Variants in CDK11A observed in about 807,000 individuals in gnomAD.
The protein encoded by CDK11A is cyclin-dependent kinase 11A.
In CDK11A, 55 loss-of-function variants were observed where a neutral mutation model predicts 83.6. The ratio of observed to expected loss-of-function variants is 0.66; its 90% confidence interval spans 0.53 to 0.82. The LOEUF (loss-of-function observed/expected upper bound fraction) is 0.82, where lower values mean the gene tolerates loss of function less well. CDK11A is among the 40% of genes least tolerant of loss of function. The probability of loss-of-function intolerance (pLI) is 0.00; values close to 1 mark genes in which losing one functional copy is unlikely to be tolerated. For synonymous variants in CDK11A, 247 were observed against 302.7 expected (o/e 0.82, Z 1.91); for missense variants, 564 against 810.1 (o/e 0.70, Z 3.69).
chr1:1,716,491 A>G lies in CDK11A; in HGVS notation c.356-13T>C. ...CTAGCATGCTTCCCTAATGAGAAAT[A>G]AAGTGTCATGCAAAGAAACCTCACT... On this transcript the variant is annotated splice_polypyrimidine_tract_variant and intron_variant, in intron 4 of 19. Coordinates refer to ENST00000404249, the MANE Select transcript of CDK11A (RefSeq NM_024011.4). 6.2e-7 allele frequency: 1 copy of G among 1,605,536 alleles called. No individual in the cohort carries two copies.
rs898187479 is a variant in CDK11A at position 1,719,339 on chromosome 1, G to C, written c.344C>G (p.Ser115Ter). ...AAATGCTTCTGTACCCCCTTCTGCT[G>C]AATGGCTATGATGCCTACATTTTTC... ...RKEKCRHHSH[S>*]AEGGKHARVK... Residue 115 changes from serine to a stop codon, truncating the protein, a stop_gained, in exon 4 of 20, where the codon TCA becomes TGA. Coordinates refer to ENST00000404249, the MANE Select transcript of CDK11A (RefSeq NM_024011.4). LOFTEE classifies it high-confidence loss of function. The C allele has an allele frequency of 4.6e-6, 7 of 1,525,158 alleles. No individual in the cohort carries two copies. In the African/African-American group the frequency reaches 1.0e-4, roughly 22 times the overall value. The allele number at this position is 1,525,158 out of a possible 1,614,324, so 94.5% of individuals were successfully genotyped here.
At chr1:1,716,584 C>T (rs760663330) in intron 4 of CDK11A, 106 bp from the exon 5 acceptor site, 12 of 1,206,194 alleles carry the variant, frequency 9.9e-6, no homozygotes, top group Admixed American at 4.2e-5. Flanking sequence ...GAGGCCGAGG[C>T]GGGTGGATCA....
At chr1:1,705,852 G>A (rs528839584) in intron 11 of CDK11A, 120 bp from the exon 12 acceptor site, 1 of 413,974 alleles carries the variant, frequency 2.4e-6, no homozygotes, top group Non-Finnish European at 4.2e-6. Context: ...CTTGGGACTG[G>A]GCCGGGGGTG....
Position 1,704,013 on chromosome 1 carries a change from G to T in CDK11A, c.1794+26C>A, listed in dbSNP as rs767343710. ...GTGGGAGGCTGCATGGGGGACAGGG[G>T]AGGCACTCAGACGCCCAGGACTCAC... On this transcript the variant is annotated intron_variant, in intron 16 of 19. Transcript: ENST00000404249. 1.1e-5 allele frequency: 18 copies of T among 1,601,424 alleles called. 1 individual carries two copies. Among genetic ancestry groups the T allele is most frequent in the South Asian group, 6.7e-5 (6 of 89,750 alleles).
Position 1,721,269 on chromosome 1 carries a change from G to A in CDK11A, c.227+327C>T, listed in dbSNP as rs552819568. Among the ~76,000 whole-genome samples, 42 of 150,552 alleles carry A rather than the reference G, an allele frequency of 2.8e-4. 3 individuals are homozygous for A. The highest frequency in any genetic ancestry group is 5.0e-4 in the Non-Finnish European group (34 of 67,546). ...ACACTGTCACAGTAACCCTAGGAAA[G>A]AGTAAACCTTAATAGTTACAATAGC... On this transcript the variant is annotated intron_variant, in intron 3 of 19. Coordinates refer to ENST00000404249, the MANE Select transcript of CDK11A (RefSeq NM_024011.4).
Position 1,721,747 on chromosome 1 carries a change from T to C in CDK11A, c.112-36A>G, listed in dbSNP as rs1191277162. On this transcript the variant is annotated intron_variant, in intron 2 of 19. Transcript: ENST00000404249. ...AAGAGAAAGTTAATCATTTTCTTTA[T>C]AAGTTTTTTTTTCTTCATAGATAAA... is the stretch of plus-strand genomic sequence containing the variant. The C allele has an allele frequency of 4.0e-6, 6 of 1,500,552 alleles. No homozygotes were observed. The Admixed American group carries it at 8.0e-5, about 20-fold the overall frequency. 93.0% of individuals were successfully genotyped at this position (1,500,552 alleles called of 1,614,324 possible).
chr1:1,723,220 AAAGT>A (rs1446154791), intron 1 of CDK11A, among the ~76,000 whole-genome samples: 1 of 67,926 alleles, frequency 1.5e-5, no homozygotes, highest in Non-Finnish European at 3.2e-5. Flanking sequence ...CCTAGATAAC[AAAGT>A]AAGACTTGGT....
chr1:1,720,811 C>A (rs1266376998), intron 3 of CDK11A, among the ~76,000 whole-genome samples: 2 of 151,226 alleles, frequency 1.3e-5, no homozygotes, highest in Non-Finnish European at 3.0e-5. Context: ...CCTGCCTCAG[C>A]CTCCTGAGTA....
chr1:1,720,229 G>A (rs1373795865), intron 3 of CDK11A, among the ~76,000 whole-genome samples: 1 of 149,912 alleles, frequency 6.7e-6, no homozygotes, highest in Non-Finnish European at 1.5e-5. Context: ...CAAGTAACTG[G>A]GACTACAGGC....
rs367795282 is a variant in CDK11A, at chr1:1,707,428, T to A, written c.1226A>T (p.Lys409Met). The change falls in exon 11 of 20, where the codon AAG (lysine) becomes ATG (methionine). Residue 409 changes from lysine to methionine, a missense_variant. Coordinates refer to ENST00000404249, the MANE Select transcript of CDK11A (RefSeq NM_024011.4). The stretch of plus-strand genomic sequence containing the variant: ...CCTGACCTGCAGGGCCGGCAGGTAC[T>A]TGGGCAGCTCCTGCTTGAGCTCGAT... ...LPIELKQELP[K>M]YLPALQGCRS... 8.7e-6 allele frequency: 14 copies of A among 1,608,026 alleles called. No homozygotes were observed. Among genetic ancestry groups the A allele is most frequent in the Non-Finnish European group, 1.1e-5 (13 of 1,176,122 alleles).
rs1243855421 is a variant in CDK11A at position 1,706,441 on chromosome 1, C to T, written c.1246-709G>A. Among the ~76,000 whole-genome samples the T allele has an allele frequency of 1.3e-5, 2 of 151,376 alleles. 1 individual carries two copies. Among genetic ancestry groups the T allele is most frequent in the Admixed American group, 1.3e-4 (2 of 15,152 alleles). On this transcript the variant is annotated intron_variant, in intron 11 of 19. Coordinates refer to ENST00000404249, the MANE Select transcript of CDK11A (RefSeq NM_024011.4). ...GCTTGCGCCTGTAGTTCCAGCTACT[C>T]AGGAGGCTGAGATGGGAGGATTGTT...
chr1:1,718,761 A>C (rs1969650), intron 4 of CDK11A, among the ~76,000 whole-genome samples: 120,713 of 149,824 alleles, frequency 0.81, 51,110 homozygotes, highest in Non-Finnish European at 0.93. Flanking sequence ...CTCAGCCTCC[A>C]GAGCAGCTGG....
In CDK11A at chr1:1,706,040, C is replaced by T. The variant is rs1275413551; in HGVS notation, c.1246-308G>A. ...GGAGGATTGCTTGAGCCCAGGAGTT[C>T]AAGACCAGCCTGGCCAACATAGCAA... On this transcript the variant is annotated intron_variant, in intron 11 of 19. Transcript: ENST00000404249. Among the ~76,000 whole-genome samples, 4 of 150,316 alleles carry T rather than the reference C, an allele frequency of 2.7e-5. No individual in the cohort carries two copies. The South Asian group carries it at 8.4e-4, about 32-fold the overall frequency.
intron 4 of CDK11A, among the ~76,000 whole-genome samples, chr1:1,716,934 T>TGAAGAGACAGGGTCTCACTA (rs1557795366): frequency 6.8e-6 from 1 of 147,132 alleles, no homozygotes; most frequent in East Asian, 2.0e-4. Context: ...TTTTTTTTTT[T>TGAAGAGACAGGGTCTCACTA]TTGAAGAGAC....
Position 1,709,120 on chromosome 1 carries a change from TTTCTC to T in CDK11A, c.757_761del (p.Glu253AsnfsTer35), listed in dbSNP as rs1462180029. Reference sequence around the variant, plus strand: ...CGGACAGCAGGTCCCTTTCTTCCATTTTCTCTTCTTTTACTTATGAGATAAACCAT... The same window carrying T: ...CGGACAGCAGGTCCCTTTCTTCCATTTTCTTTTACTTATGAGATAAACCAT... On this transcript the variant is annotated frameshift_variant, in exon 8 of 20. Transcript: ENST00000404249. LOFTEE classifies it high-confidence loss of function. The T allele has an allele frequency of 1.7e-6, 1 of 577,996 alleles. No individual in the cohort carries two copies. The highest frequency in any genetic ancestry group is 3.5e-5 in the Admixed American group (1 of 28,694). 35.8% of individuals were successfully genotyped at this position (577,996 alleles called of 1,614,324 possible).
chr1:1,720,523 G>A (rs4648776), intron 3 of CDK11A, among the ~76,000 whole-genome samples: 121,277 of 149,912 alleles, frequency 0.81, 51,366 homozygotes, highest in Non-Finnish European at 0.93. Flanking sequence ...CTCAGCCTCC[G>A]GAGTAGCTGG....
At chr1:1,721,840 G>A in intron 2 of CDK11A, 129 bp from the exon 3 acceptor site, 1 of 1,295,994 alleles carries the variant, frequency 7.7e-7, no homozygotes, top group African/African-American at 1.5e-5. Context: ...CTCTGAATGA[G>A]CCAGTGTTAT....
chr1:1,704,846 C>CG (rs1306600526), intron 13 of CDK11A, 58 bp downstream of exon 13: 1 of 1,606,964 alleles, frequency 6.2e-7, no homozygotes. Flanking sequence ...CAGGACAGCA[C>CG]GGGGCCCTGT....
In CDK11A at chr1:1,720,524, G is replaced by C. The variant is rs1339855323; in HGVS notation, c.228-1069C>G. Among the ~76,000 whole-genome samples, 3 of 150,942 alleles carry C rather than the reference G, an allele frequency of 2.0e-5. 1 individual carries two copies. Among genetic ancestry groups the C allele is most frequent in the Admixed American group, 1.3e-4 (2 of 15,074 alleles). The stretch of plus-strand genomic sequence containing the variant: ...AGCAATTCTCCTGCCTCAGCCTCCG[G>C]AGTAGCTGGGAGTACAGGCGTGCGC... On this transcript the variant is annotated intron_variant, in intron 3 of 19. Coordinates refer to ENST00000404249, the MANE Select transcript of CDK11A (RefSeq NM_024011.4).
Sources: gnomAD v4.1 joint callset for allele counts (sites outside exome capture counted in the v4.1 genomes callset) on GRCh38, gnomAD v4.1.1 for gene constraint, MANE v1.5 for transcripts, NCBI Gene and HGNC (gene_info 2026-07-23, HGNC 2026-07-21) for gene names.